DNAJB6: variants seen among roughly 807,000 people sequenced by gnomAD.
The protein encoded by DNAJB6 is DnaJ heat shock protein family (Hsp40) member B6.
In DNAJB6, 16 loss-of-function variants were observed where a neutral mutation model predicts 42.7. The observed-to-expected ratio is 0.37, with a 90% CI of 0.25 to 0.57. The LOEUF (loss-of-function observed/expected upper bound fraction) is 0.57, where lower values mean the gene tolerates loss of function less well. DNAJB6 is among the 20% of genes least tolerant of loss of function. The probability of loss-of-function intolerance (pLI) is 0.74; values close to 1 mark genes in which losing one functional copy is unlikely to be tolerated. For missense variants in DNAJB6, 347 were observed against 416.8 expected, an observed-to-expected ratio of 0.83 and a Z score of 1.46; for synonymous variants, 170 against 163.5, an observed-to-expected ratio of 1.04 and a Z score of -0.30.
At chr7:157,389,356 G>A (rs917991657) in intron 8 of DNAJB6, among the ~76,000 whole-genome samples, 1 of 152,232 alleles carries the variant, frequency 6.6e-6, no homozygotes, top group African/African-American at 2.4e-5. Flanking sequence ...TTGATTGGCA[G>A]CAGTGTTGAA....
intron 9 of DNAJB6, chr7:157,410,275 G>T: frequency 1.5e-6 from 1 of 655,950 alleles, no homozygotes; most frequent in Non-Finnish European, 2.3e-6. Flanking sequence ...AGCTGCCACG[G>T]CAGTGCGAGG....
At position 157,409,598 on chromosome 7, in the gene DNAJB6, C is replaced by CT. The variant is rs1437700940; in HGVS notation, c.692-191dup. On this transcript the variant is annotated intron_variant, in intron 8 of 9. Transcript: ENST00000262177. ...AGAGGGGTGATTTTCTGATGACTCA[C>CT]TTTTTTCCCACTCTTGGAGGATTAA... is the stretch of plus-strand genomic sequence containing the variant. 3.3e-5 allele frequency among the ~76,000 whole-genome samples: 5 copies of CT among 152,328 alleles called. No individual in the cohort carries two copies. The South Asian group carries it at 8.3e-4, about 25-fold the overall frequency.
At chr7:157,343,729 A>G (rs972193786) in intron 1 of DNAJB6, among the ~76,000 whole-genome samples, 2 of 152,160 alleles carry the variant, frequency 1.3e-5, no homozygotes, top group Admixed American at 6.5e-5. Context: ...GATTATACGC[A>G]TGAGCTACCC....
At chr7:157,409,252 G>A (rs772280486) in intron 8 of DNAJB6, among the ~76,000 whole-genome samples, 5 of 152,242 alleles carry the variant, frequency 3.3e-5, no homozygotes, top group Middle Eastern at 3.4e-3. Flanking sequence ...TGTGTTGTGC[G>A]GGGCCAGAGC....
At chr7:157,389,296 A>G (rs140315927) in intron 8 of DNAJB6, among the ~76,000 whole-genome samples, 4 of 152,288 alleles carry the variant, frequency 2.6e-5, no homozygotes, top group East Asian at 3.9e-4. Context: ...AAACATTTTT[A>G]TTTGCAGAGG....
chr7:157,345,577 G>A (rs1280473213), intron 1 of DNAJB6, among the ~76,000 whole-genome samples: 1 of 152,072 alleles, frequency 6.6e-6, no homozygotes, highest in Admixed American at 6.6e-5. Context: ...CATTTCCAAG[G>A]TTGTTTCACT....
At chr7:157,359,755 G>C (rs1257116161) in intron 2 of DNAJB6, among the ~76,000 whole-genome samples, 1 of 152,214 alleles carries the variant, frequency 6.6e-6, no homozygotes, top group African/African-American at 2.4e-5. Context: ...GGAGGTTGAG[G>C]CTGCAGTGAG....
chr7:157,399,091 T>A (rs1801727673), intron 8 of DNAJB6, among the ~76,000 whole-genome samples: 1 of 151,998 alleles, frequency 6.6e-6, no homozygotes, highest in African/African-American at 2.4e-5. Flanking sequence ...TTTGGGGAAT[T>A]TTAGGTTAAT....
intron 9 of DNAJB6, chr7:157,412,366 C>T (rs1051761850): frequency 1.8e-4 from 28 of 152,276 alleles, no homozygotes; most frequent in African/African-American, 6.7e-4. Flanking sequence ...ACAATGAGCA[C>T]CTGCACCACC....
intron 2 of DNAJB6, among the ~76,000 whole-genome samples, chr7:157,359,051 T>C (rs1327342514): frequency 6.6e-6 from 1 of 152,180 alleles, no homozygotes; most frequent in Non-Finnish European, 1.5e-5. Context: ...ATATGAAAGT[T>C]CGAGAACTGC....
chr7:157,407,009 AC>A (rs1322851603), intron 8 of DNAJB6, among the ~76,000 whole-genome samples: 2 of 152,120 alleles, frequency 1.3e-5, no homozygotes, highest in African/African-American at 4.8e-5. Flanking sequence ...GCCCCGGCTG[AC>A]CCACAGCGCT....
chr7:157,401,723 G>A (rs557215223), intron 8 of DNAJB6, among the ~76,000 whole-genome samples: 2 of 152,368 alleles, frequency 1.3e-5, no homozygotes, highest in South Asian at 4.1e-4. Context: ...GTGACGTGAA[G>A]CATTACGCAA....
At chr7:157,374,761 C>G (rs191425540) in intron 5 of DNAJB6, among the ~76,000 whole-genome samples, 1 of 152,190 alleles carries the variant, frequency 6.6e-6, no homozygotes, top group African/African-American at 2.4e-5. Flanking sequence ...AACTGAGGCT[C>G]TGGCTACCCC....
intron 8 of DNAJB6, among the ~76,000 whole-genome samples, chr7:157,405,722 C>T (rs1224429268): frequency 2.0e-5 from 3 of 152,166 alleles, no homozygotes; most frequent in Admixed American, 1.3e-4. Flanking sequence ...GGGCTGATCC[C>T]GTTGTGGCCA....
rs552613359 is a variant in DNAJB6, at chr7:157,366,570, G to C, written c.235+9G>C. On this transcript the variant is annotated intron_variant, in intron 4 of 9. Coordinates refer to ENST00000262177, the MANE Select transcript of DNAJB6 (RefSeq NM_058246.4). ...AAATGGTGGAGGAGGAGGTAAGTAC[G>C]TGAGTTTTTTCTTTGAAGACAAAAG... The C allele has an allele frequency of 6.2e-7, 1 of 1,613,334 alleles. No individual in the cohort carries two copies.
intron 8 of DNAJB6, 23 bp from the exon 9 acceptor site, chr7:157,409,772 T>TCTCTCTCC (rs1563153727): frequency 6.6e-7 from 1 of 1,506,610 alleles, no homozygotes; most frequent in Non-Finnish European, 8.9e-7. Flanking sequence ...CTCACGGCTC[T>TCTCTCTCC]CTCTCTCCCG....
chr7:157,399,087 G>A (rs1356821458), intron 8 of DNAJB6, among the ~76,000 whole-genome samples: 1 of 152,136 alleles, frequency 6.6e-6, no homozygotes. Flanking sequence ...TTAATTTGGG[G>A]AATTTTAGGT....
intron 5 of DNAJB6, among the ~76,000 whole-genome samples, chr7:157,371,049 A>G (rs1181884662): frequency 6.6e-6 from 1 of 152,162 alleles, no homozygotes; most frequent in Non-Finnish European, 1.5e-5. Context: ...CTATCAGCTC[A>G]GTGGCAGCAT....
At chr7:157,361,452 C>T (rs575450574) in intron 2 of DNAJB6, among the ~76,000 whole-genome samples, 8 of 152,264 alleles carry the variant, frequency 5.3e-5, no homozygotes, top group South Asian at 4.2e-4. Flanking sequence ...CCACTGCGCC[C>T]GGCTGCTACA....
Sources: allele counts gnomAD v4.1 joint callset (sites outside exome capture counted in the v4.1 genomes callset), GRCh38; gene constraint gnomAD v4.1.1; transcripts MANE v1.5; gene names NCBI Gene and HGNC (gene_info 2026-07-23, HGNC 2026-07-21).